The following ARID4B variants were observed in gnomAD, a reference collection of about 807,000 sequenced individuals.
ARID4B encodes AT-rich interactive domain-containing protein 4B.
A neutral mutation model predicts 147.5 loss-of-function variants in ARID4B; 26 were observed. The observed-to-expected ratio is 0.18, with a 90% confidence interval of 0.13 to 0.24. ARID4B has a LOEUF of 0.24. Among genes scored for constraint, ARID4B ranks in the 10% least tolerant of loss-of-function variants. The probability of loss-of-function intolerance (pLI) is 1.00; values close to 1 mark genes in which losing one functional copy is unlikely to be tolerated. For missense variants in ARID4B, 1,179 were observed against 1,511.5 expected (o/e 0.78, Z 3.65); for synonymous variants, 512 against 507.9 (o/e 1.01, Z -0.11).
chr1:235,189,752 T>A (rs560059779), intron 19 of ARID4B, among the ~76,000 whole-genome samples: 130 of 144,686 alleles, frequency 9.0e-4, no homozygotes, highest in African/African-American at 3.0e-3. Context: ...AAAAAAAAAA[T>A]TTGGCAGGGC....
At chr1:235,279,214 C>T (rs527949836) in intron 2 of ARID4B, among the ~76,000 whole-genome samples, 2 of 152,088 alleles carry the variant, frequency 1.3e-5, no homozygotes, top group East Asian at 1.9e-4. Context: ...CCCCCACCCC[C>T]GGCAAGACTG....
At chr1:235,194,780 T>C (rs890254954) in intron 18 of ARID4B, among the ~76,000 whole-genome samples, 55 of 151,916 alleles carry the variant, frequency 3.6e-4, no homozygotes, top group African/African-American at 1.3e-3. Flanking sequence ...GATCGCGCCA[T>C]TGCACTCCAG....
At chr1:235,234,750 G>C (rs1457882269) in intron 8 of ARID4B, among the ~76,000 whole-genome samples, 23 of 152,184 alleles carry the variant, frequency 1.5e-4, no homozygotes, top group Non-Finnish European at 1.5e-4. Context: ...GCTATGACTA[G>C]GATGAAGCTG....
chr1:235,256,173 CAAAA>C (rs58486379), intron 4 of ARID4B, among the ~76,000 whole-genome samples: 1 of 92,504 alleles, frequency 1.1e-5, no homozygotes. Flanking sequence ...GACTCTGCCT[CAAAA>C]AAAAAAAAAA....
chr1:235,233,324 A>G (rs571769872), intron 9 of ARID4B, among the ~76,000 whole-genome samples: 3 of 152,108 alleles, frequency 2.0e-5, no homozygotes, highest in African/African-American at 7.2e-5. Context: ...CCAGCTACTC[A>G]AGAGAAATTG....
intron 2 of ARID4B, among the ~76,000 whole-genome samples, chr1:235,284,299 G>T (rs1412832486): frequency 6.6e-6 from 1 of 152,210 alleles, no homozygotes; most frequent in Non-Finnish European, 1.5e-5. Context: ...GGCAGATGCT[G>T]CAGTGAGCCA....
chr1:235,173,594 TA>T, intron 22 of ARID4B, among the ~76,000 whole-genome samples: 1 of 149,406 alleles, frequency 6.7e-6, no homozygotes, highest in African/African-American at 2.5e-5. Flanking sequence ...TCTAGAGTAG[TA>T]TTAAAAAAAT....
intron 2 of ARID4B, among the ~76,000 whole-genome samples, chr1:235,272,783 T>G (rs2103150486): frequency 6.6e-6 from 1 of 151,694 alleles, no homozygotes; most frequent in South Asian, 2.1e-4. Flanking sequence ...TAAAATCACA[T>G]GTAATAAGCA....
intron 22 of ARID4B, among the ~76,000 whole-genome samples, chr1:235,174,880 C>T (rs1251581602): frequency 2.0e-5 from 3 of 150,582 alleles, no homozygotes; most frequent in Admixed American, 2.0e-4. Context: ...CCGAGGCGGG[C>T]GGATCATGAG....
intron 20 of ARID4B, chr1:235,181,202 T>C (rs1664285056): frequency 1.0e-6 from 1 of 961,572 alleles, no homozygotes; most frequent in Non-Finnish European, 1.3e-6. Flanking sequence ...TAAATCAAAA[T>C]GTTCGTGAGA....
chr1:235,255,265 ATATATCTCTC>A (rs1669898769), intron 5 of ARID4B, among the ~76,000 whole-genome samples: 1 of 64,582 alleles, frequency 1.5e-5, no homozygotes, highest in African/African-American at 6.9e-5. Flanking sequence ...ATAGATAGAT[ATATATCTCTC>A]TCTCTCTCTC....
chr1:235,173,998 C>G (rs192945756), intron 22 of ARID4B, among the ~76,000 whole-genome samples: 195 of 150,938 alleles, frequency 1.3e-3, no homozygotes, highest in Non-Finnish European at 2.3e-3. Context: ...ACCCCTAACA[C>G]CAGATACTTT....
chr1:235,324,840 T>A (rs1450159169), intron 2 of ARID4B, among the ~76,000 whole-genome samples: 3 of 152,120 alleles, frequency 2.0e-5, no homozygotes, highest in Non-Finnish European at 4.4e-5. Context: ...GGTGGGAGGA[T>A]TATTTGAGCC....
chr1:235,233,119 G>A (rs767158313), intron 9 of ARID4B, among the ~76,000 whole-genome samples: 7 of 152,106 alleles, frequency 4.6e-5, no homozygotes, highest in Non-Finnish European at 7.4e-5. Flanking sequence ...TTACAGGCGT[G>A]AGCCACCGCG....
In ARID4B at chr1:235,258,366, TG is replaced by T. The variant is rs1455601724; in HGVS notation, c.118-1142del. Among the ~76,000 whole-genome samples, 3 of 152,042 alleles carry T rather than the reference TG, an allele frequency of 2.0e-5. No individual in the cohort carries two copies. In the East Asian group the frequency reaches 5.8e-4, roughly 29 times the overall value. On this transcript the variant is annotated intron_variant, in intron 3 of 23. Transcript: ENST00000264183. ...ACAAAACAAAACAAAAAACAGAAAG[TG>T]TAAGTACCTGGTCCAAGTTTACAGA... is the stretch of plus-strand genomic sequence containing the variant.
intron 2 of ARID4B, among the ~76,000 whole-genome samples, chr1:235,275,827 T>G (rs2103159917): frequency 6.6e-6 from 1 of 152,264 alleles, no homozygotes. Context: ...ATTTTTAAGC[T>G]AAACTGTCAA....
intron 8 of ARID4B, among the ~76,000 whole-genome samples, chr1:235,237,960 G>A (rs1668715558): frequency 6.6e-6 from 1 of 152,016 alleles, no homozygotes; most frequent in Non-Finnish European, 1.5e-5. Context: ...AGACCAGCCT[G>A]ACCGACATGG....
intron 2 of ARID4B, among the ~76,000 whole-genome samples, chr1:235,270,006 G>A (rs571299015): frequency 2.6e-4 from 39 of 152,086 alleles, no homozygotes; most frequent in Middle Eastern, 6.8e-3. Context: ...AACGCCAGCC[G>A]GGCGCGGTGC....
chr1:235,214,656 T>A (rs1666933992), intron 16 of ARID4B, among the ~76,000 whole-genome samples: 1 of 152,108 alleles, frequency 6.6e-6, no homozygotes, highest in Admixed American at 6.6e-5. Context: ...ACTACCAATA[T>A]CTTATCATGT....
Sources: gnomAD v4.1 joint callset for allele counts (sites outside exome capture counted in the v4.1 genomes callset) on GRCh38, gnomAD v4.1.1 for gene constraint, MANE v1.5 for transcripts, NCBI Gene and HGNC (gene_info 2026-07-23, HGNC 2026-07-21) for gene names.